PTPN4: variants seen among roughly 807,000 people sequenced by gnomAD.
The protein encoded by PTPN4 is protein tyrosine phosphatase non-receptor type 4, also known as tyrosine-protein phosphatase non-receptor type 4.
PTPN4 carries 49 observed loss-of-function variants against 135.5 expected under a neutral mutation model. The ratio of observed to expected loss-of-function variants is 0.36; its 90% CI spans 0.29 to 0.46. The LOEUF (loss-of-function observed/expected upper bound fraction) is 0.46. Among genes scored for constraint, PTPN4 ranks in the 20% least tolerant of loss-of-function variants. PTPN4 has a pLI of 1.00. For synonymous variants in PTPN4, 333 were observed against 369.9 expected (o/e 0.90, Z 1.14); for missense variants, 860 against 1,101.0 (o/e 0.78, Z 3.10).
intron 9 of PTPN4, among the ~76,000 whole-genome samples, chr2:119,895,802 A>G (rs1219355111): frequency 6.6e-6 from 1 of 151,918 alleles, no homozygotes; most frequent in Non-Finnish European, 1.5e-5. Flanking sequence ...GCTCAGTCCC[A>G]GCTACTCTGG....
chr2:119,946,748 G>A (rs1220579320), intron 18 of PTPN4, 174 bp downstream of exon 18: 2 of 528,320 alleles, frequency 3.8e-6, no homozygotes, highest in Non-Finnish European at 3.3e-6. Context: ...CTTGTTCTCT[G>A]TAAGTATTTA....
chr2:119,781,983 T>A (rs2104928787), intron 1 of PTPN4, among the ~76,000 whole-genome samples: 1 of 152,336 alleles, frequency 6.6e-6, no homozygotes, highest in Middle Eastern at 3.4e-3. Flanking sequence ...TACTCAATTT[T>A]AGGGAGAAAG....
chr2:119,777,709 C>T (rs1381516812), intron 1 of PTPN4, among the ~76,000 whole-genome samples: 2 of 152,128 alleles, frequency 1.3e-5, no homozygotes, highest in Non-Finnish European at 2.9e-5. Context: ...AGCTAGAATG[C>T]AGTGGCATGC....
intron 10 of PTPN4, among the ~76,000 whole-genome samples, chr2:119,914,426 T>A (rs551805389): frequency 8.5e-5 from 13 of 152,074 alleles, no homozygotes; most frequent in Non-Finnish European, 1.8e-4. Flanking sequence ...GCTTGAAAAG[T>A]TGACTCATGC....
intron 23 of PTPN4, 72 bp from the exon 24 acceptor site, chr2:119,962,544 A>G: frequency 1.1e-6 from 1 of 926,300 alleles, no homozygotes; most frequent in South Asian, 4.7e-5. Flanking sequence ...TTAAAAAAAC[A>G]TTTTTAAAAA....
chr2:119,830,485 A>T (rs540577977), intron 2 of PTPN4, among the ~76,000 whole-genome samples: 1 of 151,008 alleles, frequency 6.6e-6, no homozygotes, highest in Non-Finnish European at 1.5e-5. Flanking sequence ...CTCTCTCTCT[A>T]TTTTTTGAGA....
chr2:119,962,385 C>G (rs1389963790), intron 23 of PTPN4, among the ~76,000 whole-genome samples: 1 of 151,126 alleles, frequency 6.6e-6, no homozygotes, highest in Non-Finnish European at 1.5e-5. Context: ...ACCCAGGAGG[C>G]AGAGGTTGCA....
At chr2:119,826,824 A>G (rs1401948400) in intron 2 of PTPN4, among the ~76,000 whole-genome samples, 3 of 152,152 alleles carry the variant, frequency 2.0e-5, no homozygotes, top group Non-Finnish European at 4.4e-5. Flanking sequence ...CTAGGAGTTC[A>G]AGACTAGTTA....
chr2:119,945,112 C>T lies in PTPN4; in HGVS notation c.1387C>T (p.Pro463Ser). ...AGAGACCCCTGGAGATGGGAAGCCT[C>T]CAGCTTTACCACCCAAACAGTCAAA... ...SQETPGDGKP[P>S]ALPPKQSKKN... Residue 463 changes from proline (P) to serine (S), a missense_variant, in exon 16 of 27, where the codon CCA becomes TCA. This residue lies in a region of PTPN4 where 684 missense variants were observed against 807.0 expected (regional missense o/e 0.85). Coordinates refer to ENST00000263708, the MANE Select transcript of PTPN4 (RefSeq NM_002830.4). The T allele has an allele frequency of 6.2e-7, 1 of 1,606,710 alleles. No individual in the cohort carries two copies. The highest frequency in any genetic ancestry group is 8.5e-7 in the Non-Finnish European group (1 of 1,177,560).
chr2:119,940,942 CCCTTCCTTAAAG>C (rs753210226), intron 15 of PTPN4, among the ~76,000 whole-genome samples: 15 of 152,080 alleles, frequency 9.9e-5, no homozygotes, highest in Non-Finnish European at 1.6e-4. Context: ...TTTTCCAGCT[CCCTTCCTTAAAG>C]CCAGTAAATG....
chr2:119,937,667 T>C (rs751092857), intron 15 of PTPN4, among the ~76,000 whole-genome samples: 1 of 152,202 alleles, frequency 6.6e-6, no homozygotes, highest in Non-Finnish European at 1.5e-5. Flanking sequence ...TTGATTGACA[T>C]TTCTAACAAA....
rs147719550 is a variant in PTPN4 at position 119,779,433 on chromosome 2, C to T, written c.-18+19049C>T. 2.2e-4 allele frequency among the ~76,000 whole-genome samples: 33 copies of T among 152,142 alleles called. No individual in the cohort carries two copies. The East Asian group carries it at 5.6e-3, about 26-fold the overall frequency. On this transcript the variant is annotated intron_variant, in intron 1 of 26. Transcript: ENST00000263708. Reference sequence around the variant, plus strand: ...GAGATTGAGACTGTCCTGGCTAACACGGTGAAACCCCATCTCTACTAAAAA... The same window carrying T: ...GAGATTGAGACTGTCCTGGCTAACATGGTGAAACCCCATCTCTACTAAAAA...
rs1679219338 is a variant in PTPN4, at chr2:119,952,108, A to G, written c.1792A>G (p.Met598Val). ...ASCERHSGEL[M>V]LLVRPNAVYD... is the part of the protein sequence containing the mutation. Reference sequence around the variant, plus strand: ...TTGTGAGAGACATTCTGGGGAACTCATGCTTCTAGTTCGACCTAATGGTGA... The same window carrying G: ...TTGTGAGAGACATTCTGGGGAACTCGTGCTTCTAGTTCGACCTAATGGTGA... Residue 598 changes from methionine to valine, a missense_variant, in exon 19 of 27, where the codon ATG (methionine) becomes GTG (valine). Physicochemically the swap from Met to Val is conservative, Grantham distance 21 (BLOSUM62 1). This residue lies in a region of PTPN4 where 684 missense variants were observed against 807.0 expected (regional missense o/e 0.85). Transcript: ENST00000263708. The G allele has an allele frequency of 2.0e-5, 32 of 1,612,836 alleles. No homozygotes were observed. The highest frequency in any genetic ancestry group is 2.6e-5 in the Non-Finnish European group (31 of 1,179,024).
chr2:119,848,140 C>T (rs916986962), intron 2 of PTPN4, among the ~76,000 whole-genome samples: 27 of 150,840 alleles, frequency 1.8e-4, no homozygotes, highest in Middle Eastern at 6.9e-3. Context: ...GGGAAGTTCA[C>T]ATCCACATTT....
At chr2:119,806,524 T>C (rs1167282304) in intron 1 of PTPN4, among the ~76,000 whole-genome samples, 1 of 152,146 alleles carries the variant, frequency 6.6e-6, no homozygotes, top group African/African-American at 2.4e-5. Context: ...CAAGAAGAGC[T>C]AACTATCCTA....
intron 26 of PTPN4, among the ~76,000 whole-genome samples, chr2:119,974,022 A>G (rs1157630980): frequency 3.9e-5 from 6 of 152,176 alleles, no homozygotes; most frequent in Non-Finnish European, 8.8e-5. Flanking sequence ...CAAGTGGTAT[A>G]GCATGTGTAG....
intron 13 of PTPN4, among the ~76,000 whole-genome samples, chr2:119,929,346 T>C (rs956137817): frequency 5.9e-5 from 9 of 151,424 alleles, no homozygotes; most frequent in African/African-American, 1.9e-4. Context: ...CCTAGAGTTC[T>C]TTTTTTTTCT....
Position 119,977,189 on chromosome 2 carries a change from CTT to C in PTPN4, c.*121_*122del. On this transcript the variant is annotated 3_prime_UTR_variant, in exon 27 of 27. Coordinates refer to ENST00000263708, the MANE Select transcript of PTPN4 (RefSeq NM_002830.4). ...AAAAAAAATGAAGAACTCAAAAAAACTTTGAAAACTTCAGCACTGTTGCACTT... is the reference window on the plus strand; with the variant it reads ...AAAAAAAATGAAGAACTCAAAAAAACTGAAAACTTCAGCACTGTTGCACTT... The C allele has an allele frequency of 1.5e-6, 2 of 1,378,164 alleles. No individual in the cohort carries two copies. The highest frequency in any genetic ancestry group is 1.9e-5 in the South Asian group (1 of 54,026). The allele number at this position is 1,378,164 out of a possible 1,614,324, so 85.4% of individuals were successfully genotyped here.
chr2:119,982,371 C>T lies in PTPN4; in HGVS notation c.*5301C>T, dbSNP rs1326317649. Reference sequence around the variant, plus strand: ...CTTTCAAATGTCATTAGAATTATGGCTTGATTCTAAGGATACTCTATTTGT... The same window carrying T: ...CTTTCAAATGTCATTAGAATTATGGTTTGATTCTAAGGATACTCTATTTGT... On this transcript the variant is annotated 3_prime_UTR_variant, in exon 27 of 27. Coordinates refer to ENST00000263708, the MANE Select transcript of PTPN4 (RefSeq NM_002830.4). The T allele has an allele frequency of 6.6e-6, 1 of 151,966 alleles. No homozygotes were observed. Among genetic ancestry groups the T allele is most frequent in the Admixed American group, 6.6e-5 (1 of 15,252 alleles). The allele number at this position is 151,966 out of a possible 1,614,324, so 9.4% of individuals were successfully genotyped here.
Sources: allele counts gnomAD v4.1 joint callset (sites outside exome capture counted in the v4.1 genomes callset), GRCh38; gene constraint gnomAD v4.1.1; regional missense constraint gnomAD v4.1.1; transcripts MANE v1.5; gene names NCBI Gene and HGNC (gene_info 2026-07-23, HGNC 2026-07-21).